The following SCFD2 variants were observed in gnomAD, a reference collection of about 807,000 sequenced individuals.
SCFD2 encodes sec1 family domain-containing protein 2.
In SCFD2, 54 loss-of-function variants were observed where a neutral mutation model predicts 58.9. The observed-to-expected ratio is 0.92, with a 90% CI of 0.74 to 1.15. SCFD2 has a LOEUF of 1.15. SCFD2 is among the 50% of genes most tolerant of loss of function. The pLI is 0.00. For missense variants in SCFD2, 805 were observed against 836.6 expected (o/e 0.96, Z 0.47); for synonymous variants, 321 against 335.9 (o/e 0.96, Z 0.49).
At chr4:53,076,437 C>T (rs1012550664) in intron 5 of SCFD2, among the ~76,000 whole-genome samples, 1 of 152,074 alleles carries the variant, frequency 6.6e-6, no homozygotes, top group Admixed American at 6.6e-5. Context: ...AGGCCCAGAA[C>T]CCCTGACAAG....
chr4:52,959,901 C>A (rs189821826), intron 5 of SCFD2, among the ~76,000 whole-genome samples: 42 of 151,560 alleles, frequency 2.8e-4, no homozygotes, highest in African/African-American at 9.0e-4. Flanking sequence ...AATTGAAACA[C>A]ACACACACAC....
intron 4 of SCFD2, among the ~76,000 whole-genome samples, chr4:53,232,114 CT>C (rs1277661408): frequency 6.6e-6 from 1 of 152,018 alleles, no homozygotes; most frequent in Non-Finnish European, 1.5e-5. Flanking sequence ...TATTTCCCTA[CT>C]TTTTTCTATT....
intron 7 of SCFD2, among the ~76,000 whole-genome samples, chr4:52,904,108 T>A (rs1719288727): frequency 6.6e-6 from 1 of 152,176 alleles, no homozygotes. Context: ...AGCCTCTCAA[T>A]CTGCCCTCAT....
intron 4 of SCFD2, among the ~76,000 whole-genome samples, chr4:53,222,783 C>T (rs1196780798): frequency 1.3e-5 from 2 of 152,112 alleles, no homozygotes; most frequent in Admixed American, 1.3e-4. Flanking sequence ...ACTGGTACCA[C>T]AATGTTTAAA....
chr4:53,147,776 T>C (rs756296430), intron 4 of SCFD2, among the ~76,000 whole-genome samples: 8 of 152,320 alleles, frequency 5.3e-5, no homozygotes, highest in Non-Finnish European at 1.2e-4. Flanking sequence ...TGACAGATGA[T>C]GAGTTTTTTA....
chr4:53,072,452 C>A (rs1288813430), intron 5 of SCFD2, among the ~76,000 whole-genome samples: 1 of 152,044 alleles, frequency 6.6e-6, no homozygotes, highest in East Asian at 1.9e-4. Context: ...AACGGGCTAC[C>A]TGGGGTTCAA....
rs1332067647 is a variant in SCFD2 at position 53,365,013 on chromosome 4, T to C, written c.838+91A>G. 2 of 1,429,368 alleles carry C rather than the reference T, an allele frequency of 1.4e-6. No homozygotes were observed. Among genetic ancestry groups the C allele is most frequent in the African/African-American group, 1.4e-5 (1 of 69,870 alleles). 88.5% of individuals were successfully genotyped at this position (1,429,368 alleles called of 1,614,324 possible). ...ATCTTTGTATCCTCAATCTAATATATAATAAAAGGTCAATAAAATATATGC... is the reference window on the plus strand; with the variant it reads ...ATCTTTGTATCCTCAATCTAATATACAATAAAAGGTCAATAAAATATATGC... On this transcript the variant is annotated intron_variant, in intron 1 of 8. Transcript: ENST00000401642. This position sits in a 1 kb window ranked among gnomAD's most constrained non-coding sequence, Gnocchi z 4.3.
chr4:52,898,963 G>A (rs1344464931), intron 7 of SCFD2, among the ~76,000 whole-genome samples: 1 of 152,110 alleles, frequency 6.6e-6, no homozygotes, highest in Non-Finnish European at 1.5e-5. Context: ...CCAAGACTAG[G>A]ATTGCAACCC....
At chr4:53,248,160 A>G (rs1445679243) in intron 4 of SCFD2, among the ~76,000 whole-genome samples, 1 of 152,204 alleles carries the variant, frequency 6.6e-6, no homozygotes, top group Non-Finnish European at 1.5e-5. Context: ...GAAAGGGGTG[A>G]CAGACGGCAC....
At chr4:53,350,585 C>G (rs753731165) in intron 2 of SCFD2, among the ~76,000 whole-genome samples, 40 of 152,278 alleles carry the variant, frequency 2.6e-4, no homozygotes, top group Non-Finnish European at 5.3e-4. Context: ...CATAGGACTC[C>G]CAAATTAACT....
At chr4:53,223,095 T>A (rs1729096759) in intron 4 of SCFD2, among the ~76,000 whole-genome samples, 1 of 152,206 alleles carries the variant, frequency 6.6e-6, no homozygotes, top group Non-Finnish European at 1.5e-5. Context: ...GGACAAATGT[T>A]CAGTTCTATT....
chr4:53,349,735 T>C (rs1734159043), intron 2 of SCFD2, among the ~76,000 whole-genome samples: 1 of 152,208 alleles, frequency 6.6e-6, no homozygotes, highest in Non-Finnish European at 1.5e-5. Flanking sequence ...CTGAAATACT[T>C]TTATACCTAT....
chr4:52,968,481 C>A (rs527295441), intron 5 of SCFD2, among the ~76,000 whole-genome samples: 15 of 152,054 alleles, frequency 9.9e-5, no homozygotes, highest in Admixed American at 8.5e-4. Context: ...AATAGGTGAT[C>A]GGGTGTATGG....
intron 4 of SCFD2, among the ~76,000 whole-genome samples, chr4:53,191,716 CTCT>C (rs1307240540): frequency 2.0e-5 from 3 of 152,130 alleles, no homozygotes; most frequent in Non-Finnish European, 4.4e-5. Flanking sequence ...GTTATATGTT[CTCT>C]TACAGAAATT....
intron 5 of SCFD2, among the ~76,000 whole-genome samples, chr4:52,944,980 A>G (rs185885879): frequency 2.5e-4 from 38 of 152,376 alleles, no homozygotes; most frequent in African/African-American, 8.2e-4. Context: ...AGTAATATGC[A>G]GTCACTAAAA....
At chr4:53,355,496 T>C (rs1734374545) in intron 1 of SCFD2, among the ~76,000 whole-genome samples, 2 of 152,188 alleles carry the variant, frequency 1.3e-5, no homozygotes, top group Non-Finnish European at 2.9e-5. Flanking sequence ...AAGATTACTA[T>C]AACTAAGCTC....
intron 5 of SCFD2, among the ~76,000 whole-genome samples, chr4:52,974,449 A>C (rs1721196910): frequency 6.6e-6 from 1 of 152,210 alleles, no homozygotes. Context: ...AATACCTAGA[A>C]TCCAACTTAC....
chr4:53,358,894 A>G (rs537253841), intron 1 of SCFD2, among the ~76,000 whole-genome samples: 1 of 152,232 alleles, frequency 6.6e-6, no homozygotes, highest in Non-Finnish European at 1.5e-5. Flanking sequence ...AAAGTAAGCC[A>G]GAATGAAAGA....
chr4:52,915,509 G>T (rs993119297), intron 6 of SCFD2, among the ~76,000 whole-genome samples: 1 of 152,094 alleles, frequency 6.6e-6, no homozygotes, highest in Non-Finnish European at 1.5e-5. Flanking sequence ...TAAGATGACT[G>T]TTTTTTCTCC....
Sources: allele counts gnomAD v4.1 joint callset (sites outside exome capture counted in the v4.1 genomes callset), GRCh38; gene constraint gnomAD v4.1.1; non-coding constraint Gnocchi (gnomAD v3.1); transcripts MANE v1.5; gene names NCBI Gene and HGNC (gene_info 2026-07-23, HGNC 2026-07-21).